Variants in CST9L observed in about 807,000 individuals in gnomAD.
CST9L encodes the protein cystatin 9 like.
A neutral mutation model predicts 13.2 loss-of-function variants in CST9L; 17 were observed. The ratio of observed to expected loss-of-function variants is 1.29; its 90% CI spans 0.88 to 1.93. The LOEUF (loss-of-function observed/expected upper bound fraction) is 1.93, where lower values mean the gene tolerates loss of function less well. Ranked by LOEUF, CST9L falls within the 30% of genes most tolerant of loss-of-function variation. The pLI, the probability that CST9L is intolerant of heterozygous loss-of-function variation, is 0.00. For synonymous variants in CST9L, 78 were observed against 69.1 expected, an observed-to-expected ratio of 1.13 and a Z score of -0.64; for missense variants, 170 against 170.5, an observed-to-expected ratio of 1.00 and a Z score of 0.02.
At chr20:23,567,930 T>C (rs1241896287) in intron 1 of CST9L, among the ~76,000 whole-genome samples, 1 of 152,200 alleles carries the variant, frequency 6.6e-6, no homozygotes, top group East Asian at 1.9e-4. Context: ...TTCTTGGTAG[T>C]CCTCATTTTG....
Position 23,564,782 on chromosome 20 carries a change from G to A in CST9L, c.*166C>T, listed in dbSNP as rs1989066971. On this transcript the variant is annotated 3_prime_UTR_variant, in exon 3 of 3. Transcript: ENST00000376979. Reference sequence around the variant, plus strand: ...ATCTACACTACATGATTAGGCTCAAGATGTGTGGATTTTCTAAAACACTGA... The same window carrying A: ...ATCTACACTACATGATTAGGCTCAAAATGTGTGGATTTTCTAAAACACTGA... The A allele has an allele frequency of 3.2e-6, 2 of 624,542 alleles. No individual in the cohort carries two copies. 38.7% of individuals were successfully genotyped at this position (624,542 alleles called of 1,614,324 possible).
At chr20:23,566,196 A>G (rs1480741130) in intron 1 of CST9L, 109 bp from the exon 2 acceptor site, 2 of 751,648 alleles carry the variant, frequency 2.7e-6, no homozygotes, top group Non-Finnish European at 4.9e-6. Context: ...CTCCTCCATT[A>G]GGGAGCTTGC....
chr20:23,568,044 A>T (rs1230649016), intron 1 of CST9L, among the ~76,000 whole-genome samples, 167 bp downstream of exon 1: 1 of 152,208 alleles, frequency 6.6e-6, no homozygotes, highest in Admixed American at 6.5e-5. Context: ...TCTAACTTAG[A>T]TGTTTTCAAA....
chr20:23,565,699 A>T (rs2295561), intron 2 of CST9L, among the ~76,000 whole-genome samples: 1 of 152,042 alleles, frequency 6.6e-6, no homozygotes, highest in Admixed American at 6.5e-5. Context: ...CCCCAGGGGG[A>T]AAGAGCAGTC....
intron 1 of CST9L, 79 bp downstream of exon 1, chr20:23,568,132 C>T (rs1989123602): frequency 2.0e-6 from 3 of 1,486,998 alleles, no homozygotes; most frequent in Non-Finnish European, 2.8e-6. Flanking sequence ...CAATAAGACC[C>T]CCTGTCCCCA....
chr20:23,565,845 G>A, intron 2 of CST9L, 129 bp downstream of exon 2: 2 of 718,938 alleles, frequency 2.8e-6, no homozygotes, highest in Non-Finnish European at 5.2e-6. Flanking sequence ...GGCACAAGCA[G>A]GGCAGCCTGG....
chr20:23,567,777 T>C (rs541126313), intron 1 of CST9L, among the ~76,000 whole-genome samples: 1 of 152,304 alleles, frequency 6.6e-6, no homozygotes, highest in African/African-American at 2.4e-5. Context: ...GGGTTTCTTA[T>C]TGCTCCTGAA....
rs191147047 is a variant in CST9L, at chr20:23,564,831, A to T, written c.*117T>A. On this transcript the variant is annotated 3_prime_UTR_variant, in exon 3 of 3. Coordinates refer to ENST00000376979, the MANE Select transcript of CST9L (RefSeq NM_080610.3). ...GATCTGAGATCTCAAACACATGCAA[A>T]ATAGGATAACAAACAAGTCCAAAGC... is the stretch of plus-strand genomic sequence containing the variant. 1.7e-5 allele frequency: 13 copies of T among 755,614 alleles called. No individual in the cohort carries two copies. Among genetic ancestry groups the T allele is most frequent in the Middle Eastern group, 2.5e-4 (1 of 4,066 alleles). The allele number at this position is 755,614 out of a possible 1,614,324, so 46.8% of individuals were successfully genotyped here.
chr20:23,566,269 G>A (rs1295940391), intron 1 of CST9L, among the ~76,000 whole-genome samples, 182 bp from the exon 2 acceptor site: 1 of 152,208 alleles, frequency 6.6e-6, no homozygotes, highest in Non-Finnish European at 1.5e-5. Flanking sequence ...AAGCGGATGG[G>A]CATGGTGGCC....
intron 1 of CST9L, among the ~76,000 whole-genome samples, chr20:23,567,576 G>A (rs1434979826): frequency 6.7e-6 from 1 of 149,938 alleles, no homozygotes; most frequent in African/African-American, 2.4e-5. Flanking sequence ...CAGCACAGAT[G>A]AACTGTGCAT....
intron 2 of CST9L, 25 bp downstream of exon 2, chr20:23,565,949 G>A: frequency 8.0e-7 from 1 of 1,245,392 alleles, no homozygotes; most frequent in South Asian, 1.2e-5. Flanking sequence ...CTGTATCCAG[G>A]AGGGAAGCTG....
In CST9L at chr20:23,568,459, C is replaced by A; in HGVS notation, c.-9G>T. 1 of 1,612,366 alleles carries A rather than the reference C, an allele frequency of 6.2e-7. No individual in the cohort carries two copies. Among genetic ancestry groups the A allele is most frequent in the Non-Finnish European group, 8.5e-7 (1 of 1,179,106 alleles). ...CACGGCAGGCCCAGCATGGTGCTGA[C>A]TGTAGGCACCGCTGACTTTGCTCTT... On this transcript the variant is annotated 5_prime_UTR_variant, in exon 1 of 3. Coordinates refer to ENST00000376979, the MANE Select transcript of CST9L (RefSeq NM_080610.3).
At chr20:23,566,164 G>A (rs751803807) in intron 1 of CST9L, 77 bp from the exon 2 acceptor site, 8 of 856,600 alleles carry the variant, frequency 9.3e-6, no homozygotes, top group East Asian at 2.4e-5. Flanking sequence ...GATGTCATTT[G>A]TGTAGGAGAA....
chr20:23,566,142 G>T lies in CST9L; in HGVS notation c.241-55C>A. 3.1e-6 allele frequency: 3 copies of T among 980,802 alleles called. No homozygotes were observed. In the South Asian group the frequency reaches 3.8e-5, roughly 13 times the overall value. The allele number at this position is 980,802 out of a possible 1,614,324, so 60.8% of individuals were successfully genotyped here. A position where few individuals can be genotyped will look rare whatever the true frequency, so the allele number is the denominator to read the frequency against. On this transcript the variant is annotated intron_variant, in intron 1 of 2. Coordinates refer to ENST00000376979, the MANE Select transcript of CST9L (RefSeq NM_080610.3). ...ACACCCTCCTTGTTGCCCCTAAGTAGCTGCTGGTGAAGATGTCATTTGTGT... is the reference window on the plus strand; with the variant it reads ...ACACCCTCCTTGTTGCCCCTAAGTATCTGCTGGTGAAGATGTCATTTGTGT...
In CST9L at chr20:23,568,465, G is replaced by T; in HGVS notation, c.-15C>A. On this transcript the variant is annotated 5_prime_UTR_variant, in exon 1 of 3. Transcript: ENST00000376979. ...AGGCCCAGCATGGTGCTGACTGTAG[G>T]CACCGCTGACTTTGCTCTTCCCAGC... 6.2e-7 allele frequency: 1 copy of T among 1,611,654 alleles called. No individual in the cohort carries two copies. Among genetic ancestry groups the T allele is most frequent in the Non-Finnish European group, 8.5e-7 (1 of 1,178,756 alleles).
At chr20:23,566,140 T>A in intron 1 of CST9L, 53 bp from the exon 2 acceptor site, 1 of 983,098 alleles carries the variant, frequency 1.0e-6, no homozygotes, top group Non-Finnish European at 1.7e-6. Context: ...TGCCCCTAAG[T>A]AGCTGCTGGT....
At chr20:23,567,739 C>G (rs1311800941) in intron 1 of CST9L, among the ~76,000 whole-genome samples, 1 of 152,166 alleles carries the variant, frequency 6.6e-6, no homozygotes, top group Admixed American at 6.5e-5. Context: ...GAGGAACTGA[C>G]CACCCAGAGG....
chr20:23,567,929 G>T (rs1989121758), intron 1 of CST9L, among the ~76,000 whole-genome samples: 1 of 151,746 alleles, frequency 6.6e-6, no homozygotes, highest in African/African-American at 2.4e-5. Flanking sequence ...TTTCTTGGTA[G>T]TCCTCATTTT....
Position 23,564,979 on chromosome 20 carries a change from A to G in CST9L, c.413T>C (p.Leu138Pro). The change falls in exon 3 of 3, where the codon CTG becomes CCG. Residue 138 changes from leucine to proline, a missense_variant. Leu to Pro is a moderately conservative substitution (Grantham distance 98). Transcript: ENST00000376979. ...TRPWMTQFSL[L>P]NKTCLEGFH is the part of the protein sequence containing the mutation. The stretch of plus-strand genomic sequence containing the variant: ...GAATCCCTCCAAGCAGGTCTTGTTC[A>G]GGAGGCTGAACTGAGTCATCCAGGG... 1.2e-6 allele frequency: 2 copies of G among 1,614,028 alleles called. No homozygotes were observed. The highest frequency in any genetic ancestry group is 1.7e-6 in the Non-Finnish European group (2 of 1,179,882).
Sources: allele counts gnomAD v4.1 joint callset (sites outside exome capture counted in the v4.1 genomes callset), GRCh38; gene constraint gnomAD v4.1.1; transcripts MANE v1.5; gene names NCBI Gene and HGNC (gene_info 2026-07-23, HGNC 2026-07-21).